Variants in TMEM108 observed in about 807,000 individuals in gnomAD.
TMEM108 encodes the protein cancer/testis antigen 124.
Under a neutral mutation model 35.1 loss-of-function variants are expected in TMEM108, and 12 were observed. That is an observed-to-expected ratio of 0.34 (90% confidence interval 0.22 to 0.55). The LOEUF (loss-of-function observed/expected upper bound fraction) is 0.55, where lower values mean the gene tolerates loss of function less well. Among genes scored for constraint, TMEM108 ranks in the 20% least tolerant of loss-of-function variants. TMEM108 has a pLI of 0.89. For missense variants in TMEM108, 680 were observed against 753.3 expected, an observed-to-expected ratio of 0.90 and a Z score of 1.14; for synonymous variants, 287 against 308.6, an observed-to-expected ratio of 0.93 and a Z score of 0.73.
Position 133,397,502 on chromosome 3 carries a change from A to C in TMEM108, c.*1516A>C, listed in dbSNP as rs547995300. 9.2e-5 allele frequency: 14 copies of C among 152,232 alleles called. No individual in the cohort carries two copies. The highest frequency in any genetic ancestry group is 2.9e-4 in the African/African-American group (12 of 41,550). The allele number at this position is 152,232 out of a possible 1,614,324, so 9.4% of individuals were successfully genotyped here. ...AAGACTCTTCAACCCACAAAGAAGC[A>C]ACTAAATGTTTCTCTAAGTTTAATT... On this transcript the variant is annotated 3_prime_UTR_variant, in exon 6 of 6. Coordinates refer to ENST00000321871, the MANE Select transcript of TMEM108 (RefSeq NM_023943.4).
At chr3:133,303,307 C>T (rs62279010) in intron 3 of TMEM108, 3 of 152,108 alleles carry the variant, frequency 2.0e-5, no homozygotes, top group Admixed American at 6.5e-5. Flanking sequence ...CAGTCAGGAT[C>T]CCCACAGGGA....
chr3:133,246,287 C>T (rs1014923684), intron 3 of TMEM108: 2 of 152,110 alleles, frequency 1.3e-5, no homozygotes, highest in East Asian at 1.9e-4. Flanking sequence ...CCCTTCCTGT[C>T]CCATATCAGC....
chr3:133,273,183 A>G (rs949866561), intron 3 of TMEM108, among the ~76,000 whole-genome samples: 11 of 152,236 alleles, frequency 7.2e-5, no homozygotes, highest in Admixed American at 3.3e-4. Flanking sequence ...TAACCCATCA[A>G]TGAACCACAG....
At chr3:133,292,938 G>A (rs182160857) in intron 3 of TMEM108, among the ~76,000 whole-genome samples, 1 of 152,124 alleles carries the variant, frequency 6.6e-6, no homozygotes, top group East Asian at 1.9e-4. Context: ...CTATAAAGTT[G>A]GTATACTAGC....
At chr3:133,270,870 C>T (rs1946761958) in intron 3 of TMEM108, among the ~76,000 whole-genome samples, 1 of 151,746 alleles carries the variant, frequency 6.6e-6, no homozygotes, top group Admixed American at 6.6e-5. Flanking sequence ...CTCACTAAAG[C>T]AACATACAGC....
chr3:133,255,272 A>C (rs1347630268), intron 3 of TMEM108, among the ~76,000 whole-genome samples: 1 of 152,206 alleles, frequency 6.6e-6, no homozygotes, highest in African/African-American at 2.4e-5. Flanking sequence ...ACACTATATA[A>C]AAATACTGAA....
intron 3 of TMEM108, among the ~76,000 whole-genome samples, chr3:133,323,025 C>T (rs1368033034): frequency 6.6e-6 from 1 of 152,052 alleles, no homozygotes; most frequent in Non-Finnish European, 1.5e-5. Flanking sequence ...TAATAAAAGC[C>T]ATCTATGACA....
intron 2 of TMEM108, among the ~76,000 whole-genome samples, chr3:133,200,225 A>G (rs111579987): frequency 0.015 from 2,286 of 152,232 alleles, 77 homozygotes; most frequent in African/African-American, 0.051. Context: ...CAGGTGAGGC[A>G]ATGCCTCGCC....
intron 4 of TMEM108, among the ~76,000 whole-genome samples, chr3:133,385,668 C>T (rs115866178): frequency 0.012 from 1,756 of 152,360 alleles, 18 homozygotes; most frequent in South Asian, 0.021. Context: ...TCATCACTCC[C>T]TGTCCTCACA....
At chr3:133,182,742 C>T (rs1441055958) in intron 2 of TMEM108, among the ~76,000 whole-genome samples, 1 of 152,162 alleles carries the variant, frequency 6.6e-6, no homozygotes, top group Non-Finnish European at 1.5e-5. Context: ...TTCTGGAATT[C>T]AAGGAAGATA....
chr3:133,215,341 C>T (rs1454033640), intron 2 of TMEM108, among the ~76,000 whole-genome samples: 1 of 146,182 alleles, frequency 6.8e-6, no homozygotes, highest in African/African-American at 2.5e-5. Context: ...ATAGTAAAAT[C>T]ACCAACACAA....
intron 2 of TMEM108, among the ~76,000 whole-genome samples, chr3:133,165,721 G>A (rs565835709): frequency 5.9e-5 from 9 of 152,210 alleles, no homozygotes; most frequent in African/African-American, 1.7e-4. Flanking sequence ...GAGGAGGTGC[G>A]TTTGGGATAG....
At chr3:133,322,333 C>A (rs939273038) in intron 3 of TMEM108, among the ~76,000 whole-genome samples, 2 of 151,858 alleles carry the variant, frequency 1.3e-5, no homozygotes, top group Admixed American at 1.3e-4. Context: ...AGAAATGAAA[C>A]GAGAGATACT....
At chr3:133,217,835 A>G (rs2107847364) in intron 2 of TMEM108, among the ~76,000 whole-genome samples, 1 of 152,112 alleles carries the variant, frequency 6.6e-6, no homozygotes, top group Middle Eastern at 3.4e-3. Context: ...TTTGTGGTGT[A>G]TTTTGAAGTC....
chr3:133,142,133 G>A (rs548078553), intron 2 of TMEM108, among the ~76,000 whole-genome samples: 1 of 152,140 alleles, frequency 6.6e-6, no homozygotes, highest in South Asian at 2.1e-4. Flanking sequence ...ATTGTCCCCA[G>A]TTAAGAACGG....
At chr3:133,341,551 T>A (rs1344565502) in intron 3 of TMEM108, among the ~76,000 whole-genome samples, 1 of 151,786 alleles carries the variant, frequency 6.6e-6, no homozygotes, top group Non-Finnish European at 1.5e-5. Flanking sequence ...CTAAAACATA[T>A]GTGGAACTGC....
At chr3:133,204,660 G>C (rs1391567959) in intron 2 of TMEM108, among the ~76,000 whole-genome samples, 3 of 152,316 alleles carry the variant, frequency 2.0e-5, no homozygotes, top group Admixed American at 2.0e-4. Flanking sequence ...ACTGTGGTCT[G>C]AAAGACTACT....
chr3:133,138,993 A>G (rs905152810), intron 2 of TMEM108, among the ~76,000 whole-genome samples: 1 of 145,884 alleles, frequency 6.9e-6, no homozygotes, highest in African/African-American at 2.6e-5. Flanking sequence ...TTCAACTCCT[A>G]CTTATGAGTG....
At chr3:133,182,208 G>A (rs575885660) in intron 2 of TMEM108, among the ~76,000 whole-genome samples, 1 of 152,222 alleles carries the variant, frequency 6.6e-6, no homozygotes, top group South Asian at 2.1e-4. Flanking sequence ...GTGGTAGATC[G>A]ATTAACCAGA....
Sources: gnomAD v4.1 joint callset for allele counts (sites outside exome capture counted in the v4.1 genomes callset) on GRCh38, gnomAD v4.1.1 for gene constraint, MANE v1.5 for transcripts, NCBI Gene and HGNC (gene_info 2026-07-23, HGNC 2026-07-21) for gene names.